MTMR12: variants seen among roughly 807,000 people sequenced by gnomAD.
The protein encoded by MTMR12 is myotubularin-related protein 12.
MTMR12 carries 33 observed loss-of-function variants against 96.7 expected under a neutral mutation model. The observed-to-expected ratio is 0.34, with a 90% CI of 0.26 to 0.46. MTMR12 has a LOEUF of 0.46. MTMR12 is among the 20% of genes least tolerant of loss of function. MTMR12 has a pLI of 1.00. For synonymous variants in MTMR12, 298 were observed against 327.2 expected, an observed-to-expected ratio of 0.91 and a Z score of 0.96; for missense variants, 721 against 896.1, an observed-to-expected ratio of 0.80 and a Z score of 2.49.
intron 5 of MTMR12, 116 bp from the exon 6 acceptor site, chr5:32,268,910 A>G (rs1201816146): frequency 1.4e-6 from 1 of 712,914 alleles, no homozygotes; most frequent in Non-Finnish European, 2.4e-6. Flanking sequence ...AATGGACAAC[A>G]TATTAATTCT....
At position 32,239,154 on chromosome 5, in the gene MTMR12, G is replaced by C. The variant is rs369113933; in HGVS notation, c.1191C>G (p.Leu397=). Residue 397 remains leucine, a synonymous_variant, in exon 13 of 16, where the codon CTC becomes CTG. Coordinates refer to ENST00000382142, the MANE Select transcript of MTMR12 (RefSeq NM_001040446.3). ...VLLLEENASD[L]CCLISSLVQL... ...GCACCAGAGAGGAAATGAGACAGCA[G>C]AGGTCGGATGCATTCTCCTCTAGGA... is the stretch of plus-strand genomic sequence containing the variant. The C allele has an allele frequency of 6.2e-6, 10 of 1,603,202 alleles. No homozygotes were observed. The highest frequency in any genetic ancestry group is 1.7e-4 in the Middle Eastern group (1 of 6,032).
chr5:32,299,931 T>G (rs887102279), intron 1 of MTMR12, among the ~76,000 whole-genome samples: 1 of 151,814 alleles, frequency 6.6e-6, no homozygotes, highest in African/African-American at 2.4e-5. Flanking sequence ...TGTCGACCTT[T>G]CCAAGTCCTA....
intron 2 of MTMR12, 149 bp downstream of exon 2, chr5:32,276,533 C>A: frequency 1.5e-6 from 1 of 663,610 alleles, no homozygotes; most frequent in Non-Finnish European, 2.5e-6. Flanking sequence ...AGTTATTGAA[C>A]TACAAACCTT....
intron 7 of MTMR12, 141 bp downstream of exon 7, chr5:32,262,972 G>A: frequency 9.5e-7 from 1 of 1,052,084 alleles, no homozygotes; most frequent in East Asian, 2.5e-5. Flanking sequence ...CAGCCAATGG[G>A]TATGGAGTTT....
At chr5:32,301,983 T>C (rs1751167567) in intron 1 of MTMR12, among the ~76,000 whole-genome samples, 1 of 152,026 alleles carries the variant, frequency 6.6e-6, no homozygotes, top group Admixed American at 6.6e-5. Context: ...AAAAACATTG[T>C]CTGAAACAGG....
Position 32,274,112 on chromosome 5 carries a change from C to T in MTMR12, c.153G>A (p.Leu51=), listed in dbSNP as rs1232239827. 6.2e-7 allele frequency: 1 copy of T among 1,614,080 alleles called. No homozygotes were observed. Among genetic ancestry groups the T allele is most frequent in the South Asian group, 1.1e-5 (1 of 91,060 alleles). Residue 51 remains leucine (L), a synonymous_variant, in exon 3 of 16, where the codon CTG becomes CTA. Coordinates refer to ENST00000382142, the MANE Select transcript of MTMR12 (RefSeq NM_001040446.3). Reference sequence around the variant, plus strand: ...TCAGTACTGTGCTGGCTTCACAAAGCAGCTGTTCACCTGGTAGAAACCAAA... The same window carrying T: ...TCAGTACTGTGCTGGCTTCACAAAGTAGCTGTTCACCTGGTAGAAACCAAA... The part of the protein sequence containing the change: ...VTLHLLPGEQ[L]LCEASTVLKY...
intron 1 of MTMR12, among the ~76,000 whole-genome samples, chr5:32,294,214 A>C (rs1056178656): frequency 6.6e-6 from 1 of 152,188 alleles, no homozygotes; most frequent in Non-Finnish European, 1.5e-5. Context: ...TTCTGTGGTC[A>C]AAACTCTCTC....
At chr5:32,230,598 GCT>G (rs748861574) in intron 15 of MTMR12, among the ~76,000 whole-genome samples, 44 of 152,338 alleles carry the variant, frequency 2.9e-4, no homozygotes, top group South Asian at 1.5e-3. Flanking sequence ...AGAAAGGCAT[GCT>G]GGGACACAGA....
intron 4 of MTMR12, among the ~76,000 whole-genome samples, chr5:32,271,272 G>A (rs1749820051): frequency 6.6e-6 from 1 of 152,200 alleles, no homozygotes. Context: ...AATGACTAGA[G>A]ACATGCTTTC....
chr5:32,312,779 G>A lies in MTMR12; in HGVS notation c.60C>T (p.Phe20=), dbSNP rs764443084. 6.5e-7 allele frequency: 1 copy of A among 1,532,042 alleles called. No individual in the cohort carries two copies. The highest frequency in any genetic ancestry group is 1.2e-5 in the South Asian group (1 of 84,312). The allele number at this position is 1,532,042 out of a possible 1,614,324, so 94.9% of individuals were successfully genotyped here. A position where few individuals can be genotyped will look rare whatever the true frequency, so the allele number is the denominator to read the frequency against. ...GGGTKAPKPS[F]VSYVRPEEIH... ...TCACCTCAGGGCGTACGTACGACAC[G>A]AAGGAGGGCTTGGGGGCCTTGGTGC... The change falls in exon 1 of 16, where the codon TTC becomes TTT. Residue 20 remains phenylalanine, a synonymous_variant. Coordinates refer to ENST00000382142, the MANE Select transcript of MTMR12 (RefSeq NM_001040446.3). The surrounding 1 kb of genome is among the most constrained non-coding windows in gnomAD (Gnocchi z 5.0).
rs1274441083 is a variant in MTMR12, at chr5:32,230,031, A to G, written c.1991T>C (p.Leu664Pro). ...CTGGACTTCCTCCATCATTTCCAAGAGTTTGCTCAGAGTGGCCACTTGGCC... is the reference window on the plus strand; with the variant it reads ...CTGGACTTCCTCCATCATTTCCAAGGGTTTGCTCAGAGTGGCCACTTGGCC... ...GGGQVATLSKLLEMMEEVQSL... is the reference protein window; with the variant it reads ...GGGQVATLSKPLEMMEEVQSL... The change falls in exon 16 of 16, where the codon CTC (leucine) becomes CCC (proline). Residue 664 changes from leucine (L) to proline (P), a missense_variant. Leu to Pro is a moderately conservative substitution (Grantham distance 98). Coordinates refer to ENST00000382142, the MANE Select transcript of MTMR12 (RefSeq NM_001040446.3). 1 of 1,613,450 alleles carries G rather than the reference A, an allele frequency of 6.2e-7. No individual in the cohort carries two copies. Among genetic ancestry groups the G allele is most frequent in the Non-Finnish European group, 8.5e-7 (1 of 1,179,582 alleles).
intron 6 of MTMR12, 103 bp from the exon 7 acceptor site, chr5:32,263,345 C>A: frequency 7.4e-7 from 1 of 1,343,122 alleles, no homozygotes; most frequent in Non-Finnish European, 1.0e-6. Context: ...TCCACTAAGC[C>A]CATTTTTATC....
At chr5:32,282,053 G>A (rs933239024) in intron 1 of MTMR12, among the ~76,000 whole-genome samples, 4 of 152,136 alleles carry the variant, frequency 2.6e-5, no homozygotes, top group Non-Finnish European at 2.9e-5. Flanking sequence ...AACCACTGGA[G>A]CACTGGAATT....
At chr5:32,275,806 C>T (rs188183862) in intron 2 of MTMR12, among the ~76,000 whole-genome samples, 10 of 152,120 alleles carry the variant, frequency 6.6e-5, no homozygotes, top group Non-Finnish European at 8.8e-5. Flanking sequence ...AGGTTTAAGT[C>T]ATCACTATAG....
intron 6 of MTMR12, among the ~76,000 whole-genome samples, chr5:32,263,752 A>T (rs1749474089): frequency 6.6e-6 from 1 of 152,024 alleles, no homozygotes; most frequent in South Asian, 2.1e-4. Context: ...GTCTTTTTAC[A>T]TTGTAGGAAC....
intron 7 of MTMR12, among the ~76,000 whole-genome samples, chr5:32,256,959 T>C (rs566244409): frequency 3.2e-4 from 48 of 152,260 alleles, no homozygotes; most frequent in African/African-American, 1.1e-3. Flanking sequence ...TAAAAAAAGA[T>C]TAAAAAGATG....
intron 1 of MTMR12, among the ~76,000 whole-genome samples, chr5:32,283,672 C>G (rs962594294): frequency 1.3e-5 from 2 of 152,210 alleles, no homozygotes; most frequent in African/African-American, 4.8e-5. Context: ...GCTAGATCCA[C>G]CTGAAACCAG....
Position 32,235,101 on chromosome 5 carries a change from C to G in MTMR12, c.1373G>C (p.Cys458Ser). 1 of 1,613,728 alleles carries G rather than the reference C, an allele frequency of 6.2e-7. No homozygotes were observed. The highest frequency in any genetic ancestry group is 1.1e-5 in the South Asian group (1 of 91,018). ...ATGCTGGTGCACCAGCTGCCAGACA[C>G]AATCTAGGAAAAGCAGGAACACAGG... is the stretch of plus-strand genomic sequence containing the variant. The part of the protein sequence containing the change: ...EVPVFLLFLD[C>S]VWQLVHQHPP... The change falls in exon 14 of 16, where the codon TGT becomes TCT. Residue 458 changes from cysteine to serine, a missense_variant. Transcript: ENST00000382142.
Position 32,248,144 on chromosome 5 carries a change from A to G in MTMR12, c.897-18T>C, listed in dbSNP as rs766571442. ...TGTAAATTCTAGGTATCAAAAAGGA[A>G]TATGAGATTAGAAGAGCAAACTCAA... On this transcript the variant is annotated intron_variant, in intron 9 of 15. Transcript: ENST00000382142. 2 of 1,611,284 alleles carry G rather than the reference A, an allele frequency of 1.2e-6. No individual in the cohort carries two copies. The highest frequency in any genetic ancestry group is 1.1e-5 in the South Asian group (1 of 90,936).
Sources: allele counts gnomAD v4.1 joint callset (sites outside exome capture counted in the v4.1 genomes callset), GRCh38; gene constraint gnomAD v4.1.1; non-coding constraint Gnocchi (gnomAD v3.1); transcripts MANE v1.5; gene names NCBI Gene and HGNC (gene_info 2026-07-23, HGNC 2026-07-21).